Variants in PTCHD4 observed in about 807,000 individuals in gnomAD.
PTCHD4 encodes patched domain-containing protein 4.
In PTCHD4, 33 loss-of-function variants were observed where a neutral mutation model predicts 58.1. That is an observed-to-expected ratio of 0.57 (90% confidence interval 0.43 to 0.76). PTCHD4 has a LOEUF of 0.76. PTCHD4 is among the 30% of genes least tolerant of loss of function. PTCHD4 has a pLI of 0.00. For synonymous variants in PTCHD4, 478 were observed against 409.6 expected (o/e 1.17, Z -2.02); for missense variants, 1,058 against 1,027.1 (o/e 1.03, Z -0.41).
intron 4 of PTCHD4, among the ~76,000 whole-genome samples, chr6:47,937,222 T>C (rs770941551): frequency 6.6e-6 from 1 of 152,170 alleles, no homozygotes; most frequent in Admixed American, 6.5e-5. Flanking sequence ...GACTGGCTGC[T>C]TTTCAATAAT....
chr6:48,001,800 A>G (rs992511468), intron 4 of PTCHD4, among the ~76,000 whole-genome samples: 19 of 152,246 alleles, frequency 1.2e-4, no homozygotes, highest in Non-Finnish European at 1.9e-4. Flanking sequence ...AGCAAAAGAA[A>G]CTACCATTAG....
chr6:48,065,282 G>A (rs1288548697), intron 3 of PTCHD4, among the ~76,000 whole-genome samples: 2 of 151,964 alleles, frequency 1.3e-5, no homozygotes, highest in South Asian at 2.1e-4. Flanking sequence ...TGCATCCACC[G>A]CTATTTATTC....
rs1168276446 is a variant in PTCHD4, at chr6:47,879,102, T to C, written c.1733A>G (p.Lys578Arg). ...FISVLQSSFL[K>R]KPEFQHFRND... is the part of the protein sequence containing the mutation. Reference sequence around the variant, plus strand: ...TCGAAAATGCTGGAATTCTGGCTTTTTTAAAAATGAGCTTTGCAGGACACT... The same window carrying C: ...TCGAAAATGCTGGAATTCTGGCTTTCTTAAAAATGAGCTTTGCAGGACACT... Residue 578 changes from lysine (K) to arginine (R), a missense_variant, in exon 5 of 5, where the codon AAA (lysine) becomes AGA (arginine). Physicochemically the swap from Lys to Arg is conservative, Grantham distance 26 (BLOSUM62 2). Coordinates refer to ENST00000339488, the MANE Select transcript of PTCHD4 (RefSeq NM_001384253.1). 6.2e-7 allele frequency: 1 copy of C among 1,612,876 alleles called. No homozygotes were observed. The highest frequency in any genetic ancestry group is 1.3e-5 in the African/African-American group (1 of 74,892).
At chr6:48,090,119 ATACAAATT>A (rs1351472399) in intron 1 of PTCHD4, among the ~76,000 whole-genome samples, 1 of 152,216 alleles carries the variant, frequency 6.6e-6, no homozygotes, top group Admixed American at 6.5e-5. Context: ...CTACAGTGTT[ATACAAATT>A]TATTATTGTC....
chr6:48,057,176 T>A (rs545926263), intron 3 of PTCHD4, among the ~76,000 whole-genome samples: 37 of 146,140 alleles, frequency 2.5e-4, no homozygotes, highest in African/African-American at 9.1e-4. Context: ...CGGCGGTTTT[T>A]TTTGTTTTTT....
rs1186860693 is a variant in PTCHD4 at position 47,871,195 on chromosome 6, C to G, written c.*7108G>C. ...CCTAGGAGTTTTCTTTTCACTGATG[C>G]TAATGTTTCCGTAAGTGACTTGTGT... On this transcript the variant is annotated 3_prime_UTR_variant, in exon 5 of 5. Transcript: ENST00000339488. 2.0e-5 allele frequency among the ~76,000 whole-genome samples: 3 copies of G among 151,574 alleles called. No individual in the cohort carries two copies. The highest frequency in any genetic ancestry group is 7.3e-5 in the African/African-American group (3 of 41,370).
At chr6:48,017,553 G>C (rs1762909177) in intron 3 of PTCHD4, among the ~76,000 whole-genome samples, 2 of 152,144 alleles carry the variant, frequency 1.3e-5, no homozygotes. Context: ...AATTAACTGG[G>C]ACTTGGTTGG....
chr6:48,060,761 C>T (rs1302791263), intron 3 of PTCHD4, among the ~76,000 whole-genome samples: 2 of 152,222 alleles, frequency 1.3e-5, no homozygotes, highest in Non-Finnish European at 2.9e-5. Context: ...AGGCGTGAGC[C>T]ACCGTGCCTG....
intron 4 of PTCHD4, among the ~76,000 whole-genome samples, chr6:47,957,970 G>A (rs1766936337): frequency 6.6e-6 from 1 of 152,028 alleles, no homozygotes; most frequent in African/African-American, 2.4e-5. Flanking sequence ...GGAGGTGAAA[G>A]AAAATCAATT....
chr6:48,094,637 T>C (rs143396012), intron 1 of PTCHD4, among the ~76,000 whole-genome samples: 317 of 152,282 alleles, frequency 2.1e-3, no homozygotes, highest in African/African-American at 6.5e-3. Context: ...AGATATGTGA[T>C]TGAATAAAGA....
rs114404498 is a variant in PTCHD4, at chr6:48,099,471, G to T, written c.-970+11578C>A. On this transcript the variant is annotated intron_variant, in intron 1 of 4. Coordinates refer to ENST00000339488, the MANE Select transcript of PTCHD4 (RefSeq NM_001384253.1). ...ACAGGATAACAGCAACATGAGAGAC[G>T]CAGATGAGAGACAGGCTAGCTGAAA... 5.7e-3 allele frequency among the ~76,000 whole-genome samples: 869 copies of T among 152,270 alleles called. 8 individuals are homozygous for T. The highest frequency in any genetic ancestry group is 0.019 in the African/African-American group (789 of 41,552).
chr6:47,890,930 G>A (rs745884755), intron 4 of PTCHD4: 94 of 980,370 alleles, frequency 9.6e-5, no homozygotes, highest in Admixed American at 2.5e-4. Context: ...AATATGGGCC[G>A]TTCACTGTGG....
chr6:48,074,015 C>A (rs1000554105), intron 1 of PTCHD4, among the ~76,000 whole-genome samples: 2 of 152,054 alleles, frequency 1.3e-5, no homozygotes, highest in Non-Finnish European at 2.9e-5. Context: ...TTACATCAGA[C>A]TTTTTCTGCC....
chr6:48,001,803 A>G (rs916926374), intron 4 of PTCHD4, among the ~76,000 whole-genome samples: 1 of 152,234 alleles, frequency 6.6e-6, no homozygotes, highest in African/African-American at 2.4e-5. Flanking sequence ...AAAAGAAACT[A>G]CCATTAGCGT....
intron 4 of PTCHD4, among the ~76,000 whole-genome samples, chr6:47,979,571 T>C (rs1396948635): frequency 6.6e-6 from 1 of 152,038 alleles, no homozygotes; most frequent in Admixed American, 6.6e-5. Flanking sequence ...TATAATAACA[T>C]GTAGGAAAAA....
intron 1 of PTCHD4, among the ~76,000 whole-genome samples, chr6:48,079,754 A>G (rs898670180): frequency 6.6e-6 from 1 of 151,874 alleles, no homozygotes; most frequent in Non-Finnish European, 1.5e-5. Flanking sequence ...ATTATTGCCT[A>G]TACCTGGGGT....
intron 3 of PTCHD4, among the ~76,000 whole-genome samples, chr6:48,023,199 AT>A (rs1333578728): frequency 6.6e-6 from 1 of 152,122 alleles, no homozygotes; most frequent in Non-Finnish European, 1.5e-5. Flanking sequence ...CTTTTGTGAG[AT>A]TTTTAAATTA....
chr6:47,888,271 G>T (rs1467774665), intron 4 of PTCHD4, among the ~76,000 whole-genome samples: 2 of 152,130 alleles, frequency 1.3e-5, no homozygotes, highest in East Asian at 3.9e-4. Flanking sequence ...GCAGGAGAAT[G>T]GGGTGAACCC....
chr6:47,917,406 G>A (rs1765293905), intron 4 of PTCHD4, among the ~76,000 whole-genome samples: 1 of 152,094 alleles, frequency 6.6e-6, no homozygotes, highest in Non-Finnish European at 1.5e-5. Flanking sequence ...TGCATAATCA[G>A]CGAAATGGAC....
Sources: allele counts gnomAD v4.1 joint callset (sites outside exome capture counted in the v4.1 genomes callset), GRCh38; gene constraint gnomAD v4.1.1; transcripts MANE v1.5; gene names NCBI Gene and HGNC (gene_info 2026-07-23, HGNC 2026-07-21).